The following ITPR2 variants were observed in gnomAD, a reference collection of about 807,000 sequenced individuals.
The protein encoded by ITPR2 is inositol 1,4,5-trisphosphate receptor type 2.
A neutral mutation model predicts 317.1 loss-of-function variants in ITPR2; 207 were observed. That is an observed-to-expected ratio of 0.65 (90% CI 0.58 to 0.73). The LOEUF (loss-of-function observed/expected upper bound fraction) is 0.73, where lower values mean the gene tolerates loss of function less well. Among genes scored for constraint, ITPR2 ranks in the 30% least tolerant of loss-of-function variants. ITPR2 has a pLI of 0.00. For missense variants in ITPR2, 2,613 were observed against 3,284.0 expected (o/e 0.80, Z 4.99); for synonymous variants, 1,156 against 1,149.1 (o/e 1.01, Z -0.12).
Position 26,531,260 on chromosome 12 carries a change from A to G in ITPR2, c.5073+18987T>C, listed in dbSNP as rs74711710. 9.5e-3 allele frequency among the ~76,000 whole-genome samples: 1,448 copies of G among 152,350 alleles called. 24 individuals are homozygous for G. The highest frequency in any genetic ancestry group is 0.033 in the African/African-American group (1,390 of 41,564). ...CACGCATAACACACTACAGCATTAA[A>G]GTGTGTAAGACATTTCAATAAATGT... On this transcript the variant is annotated intron_variant, in intron 37 of 56. Transcript: ENST00000381340.
At chr12:26,611,396 A>C (rs1216108273) in intron 26 of ITPR2, among the ~76,000 whole-genome samples, 1 of 152,208 alleles carries the variant, frequency 6.6e-6, no homozygotes, top group East Asian at 1.9e-4. Context: ...GAATAGATGG[A>C]TATGAAAAAG....
In ITPR2 at chr12:26,611,800, G is replaced by A. The variant is rs76175944; in HGVS notation, c.3463-9094C>T. ...AGGGTAATCCTGACTTAACCTACTCGGATACGGTTTCCTGAGTTAATCTCT... is the reference window on the plus strand; with the variant it reads ...AGGGTAATCCTGACTTAACCTACTCAGATACGGTTTCCTGAGTTAATCTCT... On this transcript the variant is annotated intron_variant, in intron 26 of 56. Coordinates refer to ENST00000381340, the MANE Select transcript of ITPR2 (RefSeq NM_002223.4). Among the ~76,000 whole-genome samples, 327 of 152,256 alleles carry A rather than the reference G, an allele frequency of 2.1e-3. 1 individual carries two copies. The highest frequency in any genetic ancestry group is 7.7e-3 in the African/African-American group (318 of 41,538).
chr12:26,411,395 T>C lies in ITPR2; in HGVS notation c.7324A>G (p.Thr2442Ala), dbSNP rs775119091. 20 of 1,612,250 alleles carry C rather than the reference T, an allele frequency of 1.2e-5. No homozygotes were observed. Among genetic ancestry groups the C allele is most frequent in the Non-Finnish European group, 1.5e-5 (18 of 1,178,574 alleles). Reference protein sequence around the residue: ...TPVTGSHQVPTMTLTTMMEAC... With the variant: ...TPVTGSHQVPAMTLTTMMEAC... ...TCCATCATGGTAGTTAAAGTCATAG[T>C]AGGCACTTGATGACTGCCTAAGAAA... Residue 2442 changes from threonine to alanine, a missense_variant, in exon 52 of 57, where the codon ACT becomes GCT. This residue lies in a region of ITPR2 where 113 missense variants were observed against 129.2 expected (regional missense o/e 0.87). Transcript: ENST00000381340.
At chr12:26,750,325 C>T (rs757103937) in intron 2 of ITPR2, among the ~76,000 whole-genome samples, 1 of 152,148 alleles carries the variant, frequency 6.6e-6, no homozygotes, top group African/African-American at 2.4e-5. Flanking sequence ...ACCTCTTGTA[C>T]TAGACATCTC....
chr12:26,668,530 G>A (rs763027594), intron 13 of ITPR2, among the ~76,000 whole-genome samples: 2 of 152,150 alleles, frequency 1.3e-5, no homozygotes, highest in Non-Finnish European at 2.9e-5. Flanking sequence ...GAGAAGACAA[G>A]TGAATGTAGA....
intron 22 of ITPR2, among the ~76,000 whole-genome samples, chr12:26,628,705 T>C (rs1228638854): frequency 1.3e-5 from 2 of 152,208 alleles, no homozygotes; most frequent in East Asian, 1.9e-4. Flanking sequence ...ATTGTTCTCA[T>C]TCATGGATGC....
At chr12:26,605,082 A>T (rs1410569006) in intron 26 of ITPR2, among the ~76,000 whole-genome samples, 1 of 129,160 alleles carries the variant, frequency 7.7e-6, no homozygotes, top group African/African-American at 3.0e-5. Flanking sequence ...AGCATGACTC[A>T]GTCTCAAAAA....
rs890232053 is a variant in ITPR2, at chr12:26,580,035, T to A, written c.4501A>T (p.Ser1501Cys). 1 of 1,610,960 alleles carries A rather than the reference T, an allele frequency of 6.2e-7. No homozygotes were observed. The highest frequency in any genetic ancestry group is 8.5e-7 in the Non-Finnish European group (1 of 1,178,364). The change falls in exon 33 of 57, where the codon AGC becomes TGC. Residue 1501 changes from serine to cysteine, a missense_variant. Physicochemically the swap from Ser to Cys is moderately radical, Grantham distance 112. Around this residue, in one of 9 missense-constraint regions of ITPR2, gnomAD observed 926 missense variants for 1,072.8 expected, o/e 0.86. Coordinates refer to ENST00000381340, the MANE Select transcript of ITPR2 (RefSeq NM_002223.4). ...FNSPFSDNST[S>C]LQTHQPVFIQ... is the part of the protein sequence containing the mutation. ...GCAATTGTTTAACTTACCTGGAGGC[T>A]GGTACTATTGTCTGAAAAGGGAGAA...
At chr12:26,580,379 A>G (rs903521088) in intron 32 of ITPR2, among the ~76,000 whole-genome samples, 3 of 152,176 alleles carry the variant, frequency 2.0e-5, no homozygotes, top group Non-Finnish European at 4.4e-5. Context: ...TTGAAACCAG[A>G]ATTCTTTCAC....
chr12:26,579,355 AATC>A (rs1945342373), intron 33 of ITPR2, among the ~76,000 whole-genome samples: 1 of 152,214 alleles, frequency 6.6e-6, no homozygotes, highest in African/African-American at 2.4e-5. Context: ...CAGAAATGAA[AATC>A]ATCAAGAATG....
chr12:26,383,936 A>G (rs1396931263), intron 55 of ITPR2, among the ~76,000 whole-genome samples: 1 of 152,136 alleles, frequency 6.6e-6, no homozygotes, highest in Non-Finnish European at 1.5e-5. Flanking sequence ...GACTTTTCAC[A>G]TTTTCCTTTG....
At chr12:26,665,498 T>C (rs1947605386) in intron 14 of ITPR2, among the ~76,000 whole-genome samples, 1 of 152,234 alleles carries the variant, frequency 6.6e-6, no homozygotes, top group African/African-American at 2.4e-5. Flanking sequence ...CTGATGTTAC[T>C]TCTAAGATTA....
intron 2 of ITPR2, among the ~76,000 whole-genome samples, chr12:26,734,859 A>G (rs2137069495): frequency 6.6e-6 from 1 of 152,274 alleles, no homozygotes; most frequent in East Asian, 1.9e-4. Context: ...TTATTATTAC[A>G]TATTTATACT....
intron 2 of ITPR2, among the ~76,000 whole-genome samples, chr12:26,740,244 T>C (rs1222174876): frequency 6.6e-6 from 1 of 152,228 alleles, no homozygotes; most frequent in Non-Finnish European, 1.5e-5. Context: ...TATTGAGTCA[T>C]GCCAAAAATA....
intron 9 of ITPR2, among the ~76,000 whole-genome samples, chr12:26,704,179 AC>A (rs1351210542): frequency 6.6e-6 from 1 of 152,236 alleles, no homozygotes; most frequent in Non-Finnish European, 1.5e-5. Context: ...CCATAAAAAA[AC>A]TATTTCAAGT....
chr12:26,387,326 A>G, intron 55 of ITPR2, 108 bp downstream of exon 55: 1 of 1,087,600 alleles, frequency 9.2e-7, no homozygotes, highest in South Asian at 1.5e-5. Context: ...AAATGTTAAC[A>G]AAAAATGATT....
At chr12:26,613,143 A>C (rs1405065552) in intron 26 of ITPR2, among the ~76,000 whole-genome samples, 1 of 152,334 alleles carries the variant, frequency 6.6e-6, no homozygotes, top group East Asian at 1.9e-4. Flanking sequence ...AGTGTGCACA[A>C]AGGCAAGTTA....
At chr12:26,584,565 A>C (rs947074579) in intron 32 of ITPR2, among the ~76,000 whole-genome samples, 2 of 152,210 alleles carry the variant, frequency 1.3e-5, no homozygotes, top group African/African-American at 2.4e-5. Flanking sequence ...ATGGTAAATA[A>C]GTTACCATAT....
At chr12:26,676,052 G>C (rs576826682) in intron 13 of ITPR2, among the ~76,000 whole-genome samples, 45 of 152,310 alleles carry the variant, frequency 3.0e-4, no homozygotes, top group African/African-American at 9.9e-4. Context: ...CAGCTACTCA[G>C]GAGGCTGAGG....
Sources: gnomAD v4.1 joint callset for allele counts (sites outside exome capture counted in the v4.1 genomes callset) on GRCh38, gnomAD v4.1.1 for gene constraint, gnomAD v4.1.1 regional missense constraint, MANE v1.5 for transcripts, NCBI Gene and HGNC (gene_info 2026-07-23, HGNC 2026-07-21) for gene names.